The following SNAP29 variants were observed in gnomAD, a reference collection of about 807,000 sequenced individuals.
SNAP29 encodes synaptosomal-associated protein 29.
A neutral mutation model predicts 27.9 loss-of-function variants in SNAP29; 13 were observed. That is an observed-to-expected ratio of 0.47 (90% CI 0.30 to 0.74). The LOEUF is 0.74. Among genes scored for constraint, SNAP29 ranks in the 30% least tolerant of loss-of-function variants. The pLI is 0.06. For synonymous variants in SNAP29, 119 were observed against 127.1 expected (o/e 0.94, Z 0.43); for missense variants, 368 against 336.5 (o/e 1.09, Z -0.73).
intron 1 of SNAP29, among the ~76,000 whole-genome samples, chr22:20,861,798 C>G (rs1044804316): frequency 1.3e-5 from 2 of 152,162 alleles, no homozygotes; most frequent in Non-Finnish European, 2.9e-5. Context: ...CCATGCCCAG[C>G]TAATTTTTGT....
intron 1 of SNAP29, among the ~76,000 whole-genome samples, chr22:20,862,359 G>T (rs1467441385): frequency 6.6e-6 from 1 of 152,192 alleles, no homozygotes; most frequent in Non-Finnish European, 1.5e-5. Context: ...TAAGGCTGAG[G>T]TTTACACAAG....
At chr22:20,859,640 G>A (rs1928187795) in intron 1 of SNAP29, 1 of 478,250 alleles carries the variant, frequency 2.1e-6, no homozygotes, top group Non-Finnish European at 3.7e-6. Flanking sequence ...TTTCTGTCCA[G>A]GTGAGTAAAA....
intron 4 of SNAP29, 115 bp downstream of exon 4, chr22:20,883,684 TC>T (rs1928945389): frequency 1.3e-6 from 1 of 744,354 alleles, no homozygotes; most frequent in African/African-American, 1.7e-5. Context: ...ACACATCACA[TC>T]CCACGCCAAG....
Position 20,870,522 on chromosome 22 carries a change from G to C in SNAP29, c.423G>C (p.Gln141His), listed in dbSNP as rs1190050170. The change falls in exon 2 of 5, where the codon CAG becomes CAC. Residue 141 changes from glutamine to histidine, a missense_variant. Coordinates refer to ENST00000215730, the MANE Select transcript of SNAP29 (RefSeq NM_004782.4). ...AACAGAATGGCACCCTCACCTCCCA[G>C]CCCAACAACAGGTGAGTGCATCTTC... is the stretch of plus-strand genomic sequence containing the variant. ...PPEQNGTLTS[Q>H]PNNRLKEAIS... is the part of the protein sequence containing the mutation. 1 of 1,613,928 alleles carries C rather than the reference G, an allele frequency of 6.2e-7. No individual in the cohort carries two copies. The highest frequency in any genetic ancestry group is 1.1e-5 in the South Asian group (1 of 91,056).
intron 2 of SNAP29, among the ~76,000 whole-genome samples, chr22:20,878,988 C>T (rs1023900769): frequency 2.0e-5 from 3 of 152,196 alleles, no homozygotes; most frequent in African/African-American, 7.2e-5. Flanking sequence ...CATACTTTCA[C>T]AACTTTTTAG....
chr22:20,890,313 G>A lies in SNAP29; in HGVS notation c.*2477G>A. On this transcript the variant is annotated 3_prime_UTR_variant, in exon 5 of 5. Coordinates refer to ENST00000215730, the MANE Select transcript of SNAP29 (RefSeq NM_004782.4). ...GACTAGACACATTTCATGGAGACAA[G>A]CAAAATGGTGCCAGGGCTGGGCTGA... is the stretch of plus-strand genomic sequence containing the variant. 1 of 398,622 alleles carries A rather than the reference G, an allele frequency of 2.5e-6. No homozygotes were observed. The highest frequency in any genetic ancestry group is 3.6e-5 in the East Asian group (1 of 28,082). The allele number at this position is 398,622 out of a possible 1,614,324, so 24.7% of individuals were successfully genotyped here.
At chr22:20,861,071 C>T (rs1393212526) in intron 1 of SNAP29, among the ~76,000 whole-genome samples, 4 of 152,214 alleles carry the variant, frequency 2.6e-5, no homozygotes, top group Admixed American at 6.5e-5. Flanking sequence ...AATTCCCTTC[C>T]CCACCTCTCT....
At chr22:20,879,012 AAT>A (rs1410314077) in intron 2 of SNAP29, among the ~76,000 whole-genome samples, 1 of 152,218 alleles carries the variant, frequency 6.6e-6, no homozygotes, top group Non-Finnish European at 1.5e-5. Flanking sequence ...CAAAATTTAA[AAT>A]ATAAAAACAG....
chr22:20,878,267 C>T (rs976466586), intron 2 of SNAP29, among the ~76,000 whole-genome samples: 2 of 152,150 alleles, frequency 1.3e-5, no homozygotes, highest in Non-Finnish European at 2.9e-5. Flanking sequence ...GCAGGCCGGG[C>T]ACGGTGGCTC....
chr22:20,886,717 T>G (rs1929023678), intron 4 of SNAP29, among the ~76,000 whole-genome samples: 1 of 152,000 alleles, frequency 6.6e-6, no homozygotes, highest in Admixed American at 6.6e-5. Context: ...GTTCAAGTGA[T>G]TCTCTTGCCT....
At chr22:20,884,225 G>A (rs567266465) in intron 4 of SNAP29, among the ~76,000 whole-genome samples, 12 of 151,992 alleles carry the variant, frequency 7.9e-5, no homozygotes, top group African/African-American at 2.7e-4. Context: ...CCCAGCTATC[G>A]GGTGGCTGAG....
At chr22:20,864,792 A>T (rs1928419032) in intron 1 of SNAP29, among the ~76,000 whole-genome samples, 1 of 152,224 alleles carries the variant, frequency 6.6e-6, no homozygotes, top group Non-Finnish European at 1.5e-5. Context: ...CAAATGAATA[A>T]GTGACCTGGG....
intron 2 of SNAP29, among the ~76,000 whole-genome samples, chr22:20,874,013 C>T (rs1279407275): frequency 1.5e-5 from 2 of 131,380 alleles, no homozygotes; most frequent in African/African-American, 2.9e-5. Context: ...TGGTGAGTCA[C>T]GCCTGTAATC....
intron 4 of SNAP29, among the ~76,000 whole-genome samples, chr22:20,884,766 A>ATATTT (rs111669065): frequency 6.6e-6 from 1 of 150,790 alleles, no homozygotes; most frequent in African/African-American, 2.4e-5. Context: ...CTTAGTGATT[A>ATATTT]TGTTTTGTTT....
chr22:20,879,906 C>T (rs908953420), intron 2 of SNAP29, among the ~76,000 whole-genome samples: 6 of 148,188 alleles, frequency 4.0e-5, no homozygotes, highest in African/African-American at 1.2e-4. Context: ...CCTGTGGTCT[C>T]AGTTACCCAG....
At chr22:20,868,426 T>C (rs562560694) in intron 1 of SNAP29, among the ~76,000 whole-genome samples, 1 of 152,356 alleles carries the variant, frequency 6.6e-6, no homozygotes, top group Non-Finnish European at 1.5e-5. Context: ...ACCAGTGTTT[T>C]AGCTTTTTGC....
intron 2 of SNAP29, among the ~76,000 whole-genome samples, chr22:20,880,230 G>T (rs977276616): frequency 6.6e-6 from 1 of 152,076 alleles, no homozygotes; most frequent in African/African-American, 2.4e-5. Context: ...AGGCGCAGTG[G>T]CTCATGTCTG....
chr22:20,886,293 A>G (rs1334973263), intron 4 of SNAP29, among the ~76,000 whole-genome samples: 1 of 146,632 alleles, frequency 6.8e-6, no homozygotes, highest in African/African-American at 2.5e-5. Flanking sequence ...TGACTTGAAG[A>G]CAATCTTTTT....
chr22:20,868,931 C>T (rs780953064), intron 1 of SNAP29, among the ~76,000 whole-genome samples: 25 of 152,244 alleles, frequency 1.6e-4, no homozygotes, highest in Admixed American at 2.6e-4. Context: ...CTCACGTCTC[C>T]ATTGGGCAGA....
Sources: allele counts gnomAD v4.1 joint callset (sites outside exome capture counted in the v4.1 genomes callset), GRCh38; gene constraint gnomAD v4.1.1; transcripts MANE v1.5; gene names NCBI Gene and HGNC (gene_info 2026-07-23, HGNC 2026-07-21).